CEP164: variants seen among roughly 807,000 people sequenced by gnomAD.
CEP164 encodes the protein centrosomal protein 164.
Under a neutral mutation model 182.7 loss-of-function variants are expected in CEP164, and 162 were observed. The observed-to-expected ratio is 0.89, with a 90% CI of 0.78 to 1.01. CEP164 has a LOEUF of 1.01. Ranked by LOEUF, CEP164 falls within the 50% of genes least tolerant of loss-of-function variation. CEP164 has a pLI of 0.00. For missense variants in CEP164, 1,735 were observed against 1,790.4 expected (o/e 0.97, Z 0.56); for synonymous variants, 661 against 690.0 (o/e 0.96, Z 0.66).
At chr11:117,361,259 T>C (rs1273705334) in intron 5 of CEP164, among the ~76,000 whole-genome samples, 36 of 140,074 alleles carry the variant, frequency 2.6e-4, no homozygotes, top group South Asian at 4.9e-4. Flanking sequence ...TTTTTTTTTT[T>C]GAGACAGAGT....
intron 27 of CEP164, among the ~76,000 whole-genome samples, chr11:117,402,845 C>G (rs2046295906): frequency 6.6e-6 from 1 of 152,190 alleles, no homozygotes; most frequent in Non-Finnish European, 1.5e-5. Flanking sequence ...TCTCTAACAA[C>G]TTGCTTTATG....
intron 26 of CEP164, 139 bp downstream of exon 26, chr11:117,396,750 G>A: frequency 1.4e-6 from 1 of 738,900 alleles, no homozygotes; most frequent in Non-Finnish European, 2.4e-6. Context: ...GAAGGCTCCG[G>A]AGGATTAAGG....
At chr11:117,348,545 T>G (rs536349447) in intron 4 of CEP164, among the ~76,000 whole-genome samples, 1 of 152,340 alleles carries the variant, frequency 6.6e-6, no homozygotes, top group South Asian at 2.1e-4. Context: ...TTCCACTATT[T>G]TATCCCAGTC....
intron 3 of CEP164, among the ~76,000 whole-genome samples, chr11:117,341,171 G>A (rs1166799034): frequency 6.6e-6 from 1 of 152,158 alleles, no homozygotes; most frequent in Non-Finnish European, 1.5e-5. Flanking sequence ...GGTTGCTGTT[G>A]TAAATGGAGT....
In CEP164 at chr11:117,413,250, T is replaced by TG. The variant is rs918364108; in HGVS notation, c.*1083dup. 6.6e-6 allele frequency: 1 copy of TG among 151,454 alleles called. No individual in the cohort carries two copies. The highest frequency in any genetic ancestry group is 1.5e-5 in the Non-Finnish European group (1 of 67,852). 9.4% of individuals were successfully genotyped at this position (151,454 alleles called of 1,614,324 possible). A position where few individuals can be genotyped will look rare whatever the true frequency, so the allele number is the denominator to read the frequency against. On this transcript the variant is annotated 3_prime_UTR_variant, in exon 33 of 33. Transcript: ENST00000278935. ...TGTTTAAATAAAATGCACTTATTTTTGTTTTTTTTTTTGCAAGCTGTGGGG... is the reference window on the plus strand; with the variant it reads ...TGTTTAAATAAAATGCACTTATTTTTGGTTTTTTTTTTTGCAAGCTGTGGGG...
chr11:117,353,394 CAT>C (rs1279892471), intron 5 of CEP164, among the ~76,000 whole-genome samples: 4 of 152,112 alleles, frequency 2.6e-5, no homozygotes, highest in Non-Finnish European at 5.9e-5. Flanking sequence ...TTTCCAATGT[CAT>C]GTGTTTGAAT....
intron 11 of CEP164, among the ~76,000 whole-genome samples, chr11:117,378,970 A>T (rs143993039): frequency 6.6e-6 from 1 of 151,840 alleles, no homozygotes; most frequent in Non-Finnish European, 1.5e-5. Context: ...CCACTTCATT[A>T]CTCATCTTAT....
chr11:117,362,347 A>G, intron 6 of CEP164, 57 bp from the exon 7 acceptor site: 1 of 1,566,714 alleles, frequency 6.4e-7, no homozygotes. Flanking sequence ...AGCATTCTAA[A>G]GGTCATTCCA....
intron 30 of CEP164, 85 bp downstream of exon 30, chr11:117,410,050 C>G: frequency 1.6e-6 from 2 of 1,250,968 alleles, no homozygotes; most frequent in Non-Finnish European, 2.3e-6. Context: ...TTCTCCTGCT[C>G]CTTTTCTCCT....
chr11:117,323,938 G>A (rs2035339553), upstream of CEP164: 11 of 315,916 alleles, frequency 3.5e-5, no homozygotes, highest in South Asian at 2.0e-4. Context: ...TTAAAAATCC[G>A]GTTATTTGGT....
chr11:117,367,519 CTCTT>C (rs1221530033), intron 8 of CEP164, among the ~76,000 whole-genome samples: 2 of 152,180 alleles, frequency 1.3e-5, no homozygotes, highest in Admixed American at 6.5e-5. Flanking sequence ...GGGAATCTCT[CTCTT>C]TTTAATTTTT....
intron 9 of CEP164, among the ~76,000 whole-genome samples, chr11:117,372,906 G>C (rs2042364215): frequency 6.6e-6 from 1 of 152,188 alleles, no homozygotes; most frequent in East Asian, 1.9e-4. Context: ...CCATTTTTGT[G>C]GCTTTTTCTG....
intron 3 of CEP164, among the ~76,000 whole-genome samples, chr11:117,339,564 T>C (rs1446962668): frequency 2.2e-5 from 3 of 134,210 alleles, no homozygotes; most frequent in Non-Finnish European, 4.7e-5. Context: ...AGTCTCACTC[T>C]GTCACCCAGG....
At chr11:117,362,290 C>A in intron 6 of CEP164, 114 bp from the exon 7 acceptor site, 3 of 1,181,914 alleles carry the variant, frequency 2.5e-6, no homozygotes, top group South Asian at 1.6e-5. Flanking sequence ...GCTTCATGGA[C>A]ATGGTGGCAC....
rs2043333377 is a variant in CEP164 at position 117,381,694 on chromosome 11, T to C, written c.1410-7T>C. On this transcript the variant is annotated splice_region_variant and splice_polypyrimidine_tract_variant and intron_variant, in intron 12 of 32. Coordinates refer to ENST00000278935, the MANE Select transcript of CEP164 (RefSeq NM_014956.5). ...CCTGACTCTGCTGCTCTGCCCGGCC[T>C]GACCAGGTTATCTCCTCCACTTCCA... 6.2e-7 allele frequency: 1 copy of C among 1,606,284 alleles called. No homozygotes were observed. The highest frequency in any genetic ancestry group is 8.5e-7 in the Non-Finnish European group (1 of 1,176,616).
In CEP164 at chr11:117,387,270, G is replaced by A. The variant is rs150956860; in HGVS notation, c.1792G>A (p.Ala598Thr). The A allele has an allele frequency of 6.4e-5, 103 of 1,614,236 alleles. No individual in the cohort carries two copies. In the African/African-American group the frequency reaches 1.2e-3, roughly 19 times the overall value. ...SEAALKAMEE[A>T]VAQVLEQDQR... ...GGCTGCACTAAAGGCCATGGAAGAG[G>A]CAGTGGCCCAAGTACTCGAGCAAGA... Residue 598 changes from alanine (A) to threonine (T), a missense_variant, in exon 15 of 33, where the codon GCA becomes ACA. Physicochemically the swap from Ala to Thr is moderately conservative, Grantham distance 58. Transcript: ENST00000278935.
At chr11:117,382,468 A>G (rs772936053) in intron 13 of CEP164, among the ~76,000 whole-genome samples, 1 of 152,164 alleles carries the variant, frequency 6.6e-6, no homozygotes, top group Non-Finnish European at 1.5e-5. Context: ...TGCTGGTCTT[A>G]GAATTCATTG....
intron 6 of CEP164, 46 bp downstream of exon 6, chr11:117,362,039 C>A: frequency 1.3e-6 from 2 of 1,499,184 alleles, no homozygotes; most frequent in Non-Finnish European, 1.8e-6. Context: ...CCTGTGGGGC[C>A]TCCCGTGTGC....
intron 7 of CEP164, 39 bp downstream of exon 7, chr11:117,362,577 G>A: frequency 1.3e-6 from 2 of 1,567,466 alleles, no homozygotes; most frequent in Non-Finnish European, 1.7e-6. Flanking sequence ...GAAACCCTCT[G>A]TGCCATATTT....
Sources: allele counts gnomAD v4.1 joint callset (sites outside exome capture counted in the v4.1 genomes callset), GRCh38; gene constraint gnomAD v4.1.1; transcripts MANE v1.5; gene names NCBI Gene and HGNC (gene_info 2026-07-23, HGNC 2026-07-21).